BTAF1: variants seen among roughly 807,000 people sequenced by gnomAD.
BTAF1 encodes the protein TATA-binding protein-associated factor 172.
A neutral mutation model predicts 227.1 loss-of-function variants in BTAF1; 38 were observed. The observed-to-expected ratio is 0.17, with a 90% CI of 0.13 to 0.22. The LOEUF is 0.22. Ranked by LOEUF, BTAF1 falls within the 10% of genes least tolerant of loss-of-function variation. BTAF1 has a pLI of 1.00. For synonymous variants in BTAF1, 742 were observed against 751.9 expected (o/e 0.99, Z 0.21); for missense variants, 1,598 against 2,204.0 (o/e 0.73, Z 5.51).
At chr10:91,964,241 T>C (rs1589824222) in intron 13 of BTAF1, 40 bp downstream of exon 13, 1 of 1,585,784 alleles carries the variant, frequency 6.3e-7, no homozygotes, top group East Asian at 2.2e-5. Flanking sequence ...AAAAAGTCTT[T>C]ACATACCTTT....
intron 14 of BTAF1, among the ~76,000 whole-genome samples, chr10:91,970,918 G>A (rs950000059): frequency 6.6e-6 from 1 of 152,152 alleles, no homozygotes; most frequent in African/African-American, 2.4e-5. Context: ...TTCATATTTA[G>A]TATCTTTGAT....
At chr10:91,986,841 T>C (rs1035125982) in intron 19 of BTAF1, among the ~76,000 whole-genome samples, 1 of 152,100 alleles carries the variant, frequency 6.6e-6, no homozygotes, top group Admixed American at 6.5e-5. Context: ...GAGAGACTTT[T>C]TTTCTTTTTT....
rs543839257 is a variant in BTAF1, at chr10:91,991,058, A to G, written c.2855-1061A>G. ...TCAGAAGTTCGAGACCATCCTGACTAGCATGGTGAAACCCCGTCTGTACTA... is the reference window on the plus strand; with the variant it reads ...TCAGAAGTTCGAGACCATCCTGACTGGCATGGTGAAACCCCGTCTGTACTA... On this transcript the variant is annotated intron_variant, in intron 20 of 37. Coordinates refer to ENST00000265990, the MANE Select transcript of BTAF1 (RefSeq NM_003972.3). Among the ~76,000 whole-genome samples, 6 of 151,336 alleles carry G rather than the reference A, an allele frequency of 4.0e-5. No individual in the cohort carries two copies. The East Asian group carries it at 1.2e-3, about 30-fold the overall frequency.
intron 11 of BTAF1, 98 bp downstream of exon 11, chr10:91,960,252 TAC>T: frequency 7.8e-7 from 1 of 1,284,048 alleles, no homozygotes; most frequent in Non-Finnish European, 1.1e-6. Flanking sequence ...TTCTTACTGT[TAC>T]AGAGAAGCCA....
At chr10:91,925,737 C>G (rs1179781328) in intron 1 of BTAF1, among the ~76,000 whole-genome samples, 1 of 152,146 alleles carries the variant, frequency 6.6e-6, no homozygotes, top group Non-Finnish European at 1.5e-5. Context: ...GTCTCGATCT[C>G]CTTACCTCGT....
chr10:91,968,170 A>G (rs774261861), intron 14 of BTAF1, among the ~76,000 whole-genome samples: 3 of 152,180 alleles, frequency 2.0e-5, no homozygotes, highest in Non-Finnish European at 4.4e-5. Flanking sequence ...TAGTTTAACT[A>G]TCCCCAAAAT....
chr10:91,931,437 C>CT (rs1844270962), intron 1 of BTAF1, among the ~76,000 whole-genome samples: 1 of 152,238 alleles, frequency 6.6e-6, no homozygotes, highest in Non-Finnish European at 1.5e-5. Context: ...CTCCATCTGT[C>CT]TGTCTATCCT....
In BTAF1 at chr10:91,966,737, T is replaced by C. The variant is rs775735219; in HGVS notation, c.1630T>C (p.Leu544=). 10 of 1,613,974 alleles carry C rather than the reference T, an allele frequency of 6.2e-6. 1 individual carries two copies. Among genetic ancestry groups the C allele is most frequent in the Middle Eastern group, 1.7e-4 (1 of 6,060 alleles). Residue 544 remains leucine, a synonymous_variant, in exon 14 of 38, where the codon TTA becomes CTA. Transcript: ENST00000265990. ...AGCAGCATTGGAAACTCTGTTTACG[T>C]TATTATCAACACAGGACCAGGTAAG... ...RRAALETLFT[L]LSTQDQNSSS...
chr10:91,928,861 CTG>C (rs1844064064), intron 1 of BTAF1, among the ~76,000 whole-genome samples: 1 of 147,008 alleles, frequency 6.8e-6, no homozygotes, highest in African/African-American at 2.5e-5. Flanking sequence ...GAGTCTCACT[CTG>C]TCCTCCAAGC....
intron 25 of BTAF1, among the ~76,000 whole-genome samples, chr10:92,000,491 G>A (rs543679220): frequency 6.6e-6 from 1 of 152,286 alleles, no homozygotes; most frequent in South Asian, 2.1e-4. Context: ...CACATCCACT[G>A]TGAGGTGATA....
At chr10:92,001,969 CATAT>C (rs10561233) in intron 25 of BTAF1, among the ~76,000 whole-genome samples, 184 of 109,974 alleles carry the variant, frequency 1.7e-3, no homozygotes, top group Admixed American at 4.4e-3. Context: ...AAAAAAAAAC[CATAT>C]ATATATATAT....
intron 13 of BTAF1, 37 bp downstream of exon 13, chr10:91,964,238 C>T (rs1274483549): frequency 6.3e-7 from 1 of 1,584,658 alleles, no homozygotes; most frequent in Non-Finnish European, 8.6e-7. Flanking sequence ...AGTAAAAAGT[C>T]TTTACATACC....
At position 91,927,380 on chromosome 10, in the gene BTAF1, C is replaced by T. The variant is rs1461435593; in HGVS notation, c.14+3290C>T. Among the ~76,000 whole-genome samples the T allele has an allele frequency of 2.0e-5, 3 of 152,126 alleles. No individual in the cohort carries two copies. In the East Asian group the frequency reaches 5.8e-4, roughly 29 times the overall value. On this transcript the variant is annotated intron_variant, in intron 1 of 37. Transcript: ENST00000265990. ...CTCGAACTCCTGACTTCAGGCGATC[C>T]ACCTGCCTCAATTTTTTGATCTAAG...
chr10:91,930,849 C>T (rs777999555), intron 1 of BTAF1, among the ~76,000 whole-genome samples: 6 of 152,264 alleles, frequency 3.9e-5, no homozygotes, highest in Non-Finnish European at 7.4e-5. Flanking sequence ...AATGGCTACT[C>T]TTGACTGGTC....
intron 34 of BTAF1, 79 bp downstream of exon 34, chr10:92,019,014 A>G: frequency 7.6e-7 from 1 of 1,307,964 alleles, no homozygotes; most frequent in Non-Finnish European, 1.0e-6. Flanking sequence ...TTTCTTAAAG[A>G]TTACTACTGT....
At chr10:91,952,324 T>C (rs1376788770) in intron 5 of BTAF1, among the ~76,000 whole-genome samples, 1 of 152,218 alleles carries the variant, frequency 6.6e-6, no homozygotes, top group Non-Finnish European at 1.5e-5. Context: ...CACTCTTTTC[T>C]TCCTCTTCCT....
rs1589718063 is a variant in BTAF1, at chr10:91,924,196, C to T, written c.14+106C>T. On this transcript the variant is annotated intron_variant, in intron 1 of 37. Coordinates refer to ENST00000265990, the MANE Select transcript of BTAF1 (RefSeq NM_003972.3). ...AAGAGCGGTTCTCATTGTCACTGGG[C>T]TCTGGAGCTTTCTTCAGTAGACTTC... 1.9e-5 allele frequency: 28 copies of T among 1,445,130 alleles called. No homozygotes were observed. In the East Asian group the frequency reaches 5.1e-4, roughly 26 times the overall value. The allele number at this position is 1,445,130 out of a possible 1,614,324, so 89.5% of individuals were successfully genotyped here.
chr10:92,003,451 C>T (rs1165299887), intron 25 of BTAF1, among the ~76,000 whole-genome samples: 6 of 152,202 alleles, frequency 3.9e-5, no homozygotes, highest in African/African-American at 1.4e-4. Flanking sequence ...TTCTACTCTG[C>T]TTCCATGAGT....
At chr10:92,019,492 GT>G (rs1320235147) in intron 34 of BTAF1, among the ~76,000 whole-genome samples, 2 of 152,120 alleles carry the variant, frequency 1.3e-5, no homozygotes, top group African/African-American at 4.8e-5. Context: ...ATCTATCTGA[GT>G]TACTCTTTTT....
Sources: gnomAD v4.1 joint callset for allele counts (sites outside exome capture counted in the v4.1 genomes callset) on GRCh38, gnomAD v4.1.1 for gene constraint, MANE v1.5 for transcripts, NCBI Gene and HGNC (gene_info 2026-07-23, HGNC 2026-07-21) for gene names.